Variants in AKAP6 observed in about 807,000 individuals in gnomAD.
The protein encoded by AKAP6 is A-kinase anchoring protein 6.
In AKAP6, 58 loss-of-function variants were observed where a neutral mutation model predicts 188.5. That is an observed-to-expected ratio of 0.31 (90% CI 0.25 to 0.38). The LOEUF (loss-of-function observed/expected upper bound fraction) is 0.38. Among genes scored for constraint, AKAP6 ranks in the 10% least tolerant of loss-of-function variants. The probability of loss-of-function intolerance (pLI) is 1.00; values close to 1 mark genes in which losing one functional copy is unlikely to be tolerated. For missense variants in AKAP6, 2,710 were observed against 2,740.0 expected, an observed-to-expected ratio of 0.99 and a Z score of 0.24; for synonymous variants, 989 against 998.6, an observed-to-expected ratio of 0.99 and a Z score of 0.18.
chr14:32,738,906 C>T (rs2031554393), intron 11 of AKAP6, among the ~76,000 whole-genome samples: 1 of 152,102 alleles, frequency 6.6e-6, no homozygotes, highest in South Asian at 2.1e-4. Context: ...TTCAATAAAA[C>T]TAATTTACAA....
chr14:32,802,429 C>T (rs1027717572), intron 12 of AKAP6, among the ~76,000 whole-genome samples: 4 of 152,064 alleles, frequency 2.6e-5, no homozygotes, highest in Admixed American at 6.6e-5. Context: ...GGTTACTAAA[C>T]CTATAAATAA....
At chr14:32,360,651 C>A (rs959310608) in intron 1 of AKAP6, among the ~76,000 whole-genome samples, 3 of 151,182 alleles carry the variant, frequency 2.0e-5, no homozygotes, top group Admixed American at 2.0e-4. Context: ...GAATTATAAT[C>A]CAATACTATG....
intron 7 of AKAP6, among the ~76,000 whole-genome samples, chr14:32,615,659 G>A (rs996085322): frequency 1.4e-5 from 2 of 140,156 alleles, no homozygotes; most frequent in African/African-American, 2.8e-5. Context: ...GCAGTGGCAC[G>A]ATATCTGCTC....
intron 9 of AKAP6, among the ~76,000 whole-genome samples, chr14:32,701,172 T>C (rs971166598): frequency 1.3e-5 from 2 of 152,152 alleles, no homozygotes; most frequent in Non-Finnish European, 2.9e-5. Context: ...TTGGGGTTAT[T>C]TATAAGAATC....
chr14:32,538,697 A>G (rs1299523733), intron 3 of AKAP6, among the ~76,000 whole-genome samples: 1 of 152,162 alleles, frequency 6.6e-6, no homozygotes, highest in Non-Finnish European at 1.5e-5. Flanking sequence ...ACATTGTGAT[A>G]AGCACTTTAA....
intron 7 of AKAP6, among the ~76,000 whole-genome samples, chr14:32,619,532 T>C (rs1210630851): frequency 6.6e-6 from 1 of 152,222 alleles, no homozygotes. Context: ...TTGGTCTATG[T>C]ATATACTTTT....
At chr14:32,608,559 G>C (rs1247174353) in intron 7 of AKAP6, among the ~76,000 whole-genome samples, 1 of 151,768 alleles carries the variant, frequency 6.6e-6, no homozygotes, top group Admixed American at 6.6e-5. Flanking sequence ...TCCATTGCTG[G>C]TGGCCTTGAG....
At chr14:32,552,881 A>C (rs1299788006) in intron 4 of AKAP6, among the ~76,000 whole-genome samples, 1 of 152,174 alleles carries the variant, frequency 6.6e-6, no homozygotes, top group East Asian at 1.9e-4. Flanking sequence ...AAGAATGATA[A>C]AATACTGAAA....
intron 2 of AKAP6, among the ~76,000 whole-genome samples, chr14:32,502,881 T>C (rs1880673335): frequency 6.6e-6 from 1 of 152,160 alleles, no homozygotes; most frequent in South Asian, 2.1e-4. Flanking sequence ...TTACAAACTG[T>C]ATTGCAATAA....
intron 4 of AKAP6, among the ~76,000 whole-genome samples, chr14:32,573,914 G>C (rs895315059): frequency 2.0e-5 from 3 of 152,140 alleles, no homozygotes; most frequent in African/African-American, 7.2e-5. Flanking sequence ...CACATCTCTT[G>C]ATAGGGGGAG....
At chr14:32,466,052 C>T (rs1878404354) in intron 2 of AKAP6, among the ~76,000 whole-genome samples, 2 of 152,080 alleles carry the variant, frequency 1.3e-5, no homozygotes, top group Admixed American at 1.3e-4. Flanking sequence ...GTTAGAATGG[C>T]GATCATTAAA....
intron 1 of AKAP6, among the ~76,000 whole-genome samples, chr14:32,430,935 T>G (rs974271309): frequency 3.3e-5 from 5 of 151,990 alleles, no homozygotes; most frequent in Non-Finnish European, 5.9e-5. Flanking sequence ...TGAAACCCTG[T>G]CTCTACTAAA....
intron 11 of AKAP6, among the ~76,000 whole-genome samples, chr14:32,739,443 T>C (rs2031580185): frequency 6.6e-6 from 1 of 152,096 alleles, no homozygotes; most frequent in Admixed American, 6.6e-5. Context: ...AGTCCCCCTG[T>C]TGTGCTATCA....
At chr14:32,707,331 CA>C (rs1282387082) in intron 9 of AKAP6, among the ~76,000 whole-genome samples, 1 of 152,044 alleles carries the variant, frequency 6.6e-6, no homozygotes, top group East Asian at 1.9e-4. Context: ...CAGTCTGGAG[CA>C]CATTTCCATG....
chr14:32,504,146 C>G (rs191857974), intron 2 of AKAP6, among the ~76,000 whole-genome samples: 1 of 152,018 alleles, frequency 6.6e-6, no homozygotes, highest in South Asian at 2.1e-4. Context: ...TTCCACATTT[C>G]TCTTAAGTTT....
At chr14:32,630,139 A>G (rs1161372699) in intron 7 of AKAP6, among the ~76,000 whole-genome samples, 1 of 152,076 alleles carries the variant, frequency 6.6e-6, no homozygotes, top group African/African-American at 2.4e-5. Flanking sequence ...TGTTCCCATT[A>G]AATAAGTTGT....
At chr14:32,418,633 G>T (rs567648513) in intron 1 of AKAP6, among the ~76,000 whole-genome samples, 20 of 152,236 alleles carry the variant, frequency 1.3e-4, no homozygotes, top group Non-Finnish European at 1.2e-4. Flanking sequence ...TGGAAGAGTT[G>T]GCAAAGTATC....
intron 12 of AKAP6, among the ~76,000 whole-genome samples, chr14:32,774,744 G>GCATACATA (rs72019648): frequency 7.7e-4 from 116 of 151,534 alleles, no homozygotes; most frequent in Middle Eastern, 3.4e-3. Context: ...TAAATGGAAT[G>GCATACATA]CATACATACA....
chr14:32,474,926 A>G (rs1262768157), intron 2 of AKAP6, among the ~76,000 whole-genome samples: 3 of 152,204 alleles, frequency 2.0e-5, no homozygotes, highest in African/African-American at 4.8e-5. Flanking sequence ...AGAGGTGTAC[A>G]TATGTTCACT....
Sources: gnomAD v4.1 joint callset for allele counts (sites outside exome capture counted in the v4.1 genomes callset) on GRCh38, gnomAD v4.1.1 for gene constraint, MANE v1.5 for transcripts, NCBI Gene and HGNC (gene_info 2026-07-23, HGNC 2026-07-21) for gene names.